Variants in ITFG1 observed in about 807,000 individuals in gnomAD.
ITFG1 encodes T-cell immunomodulatory protein.
A neutral mutation model predicts 81.8 loss-of-function variants in ITFG1; 34 were observed. That is an observed-to-expected ratio of 0.42 (90% CI 0.32 to 0.55). The LOEUF (loss-of-function observed/expected upper bound fraction) is 0.55, where lower values mean the gene tolerates loss of function less well. Ranked by LOEUF, ITFG1 falls within the 20% of genes least tolerant of loss-of-function variation. ITFG1 has a pLI of 0.17. For missense variants in ITFG1, 672 were observed against 755.4 expected (o/e 0.89, Z 1.29); for synonymous variants, 285 against 270.6 (o/e 1.05, Z -0.52).
At chr16:47,364,274 G>T (rs557963307) in intron 8 of ITFG1, among the ~76,000 whole-genome samples, 16 of 152,214 alleles carry the variant, frequency 1.1e-4, no homozygotes, top group African/African-American at 3.6e-4. Context: ...TTCTTAATTT[G>T]ACTGTGTCTT....
chr16:47,310,464 T>C (rs1167089472), intron 10 of ITFG1, among the ~76,000 whole-genome samples: 3 of 152,204 alleles, frequency 2.0e-5, no homozygotes, highest in Admixed American at 6.5e-5. Context: ...CGATAAGGTA[T>C]TAAAATTTAG....
chr16:47,194,703 A>AAT (rs199836512), intron 14 of ITFG1, among the ~76,000 whole-genome samples: 3,075 of 151,310 alleles, frequency 0.02, 104 homozygotes, highest in African/African-American at 0.07. Flanking sequence ...TTTTCTACTT[A>AAT]ATATATATAT....
At chr16:47,407,003 C>A (rs1288667706) in intron 6 of ITFG1, among the ~76,000 whole-genome samples, 1 of 151,966 alleles carries the variant, frequency 6.6e-6, no homozygotes, top group South Asian at 2.1e-4. Flanking sequence ...AGGCATCAAG[C>A]GGGAAAATAG....
chr16:47,424,312 T>C (rs1567495402), intron 6 of ITFG1, among the ~76,000 whole-genome samples: 1 of 152,362 alleles, frequency 6.6e-6, no homozygotes, highest in African/African-American at 2.4e-5. Context: ...ACACTGTTTA[T>C]TCTAGTTAGC....
At chr16:47,187,154 A>G (rs1965230282) in intron 14 of ITFG1, among the ~76,000 whole-genome samples, 1 of 152,222 alleles carries the variant, frequency 6.6e-6, no homozygotes, top group Non-Finnish European at 1.5e-5. Context: ...CATGGGTAGG[A>G]AGAATAAATA....
chr16:47,326,237 A>C (rs927759642), intron 8 of ITFG1, among the ~76,000 whole-genome samples: 3 of 152,242 alleles, frequency 2.0e-5, no homozygotes, highest in African/African-American at 7.2e-5. Context: ...TGATTATCTC[A>C]ATAGATGCAG....
At chr16:47,276,269 T>C (rs1211897378) in intron 10 of ITFG1, among the ~76,000 whole-genome samples, 3 of 151,722 alleles carry the variant, frequency 2.0e-5, no homozygotes, top group East Asian at 3.9e-4. Flanking sequence ...AGAAAAGTAA[T>C]AGGAAAAAAA....
At chr16:47,298,848 T>C (rs1432339522) in intron 10 of ITFG1, among the ~76,000 whole-genome samples, 1 of 152,192 alleles carries the variant, frequency 6.6e-6, no homozygotes, top group Non-Finnish European at 1.5e-5. Context: ...ATGTGATCTT[T>C]GTTAACATCT....
chr16:47,278,221 T>C (rs1259395945), intron 10 of ITFG1, among the ~76,000 whole-genome samples: 2 of 152,200 alleles, frequency 1.3e-5, no homozygotes, highest in African/African-American at 4.8e-5. Flanking sequence ...CATGTTTTCA[T>C]GTAAATAGAA....
chr16:47,154,551 A>G lies in ITFG1; in HGVS notation c.*1168T>C. On this transcript the variant is annotated 3_prime_UTR_variant, in exon 18 of 18. Transcript: ENST00000320640. ...GGCATCACATGTCCATTTGCATACT[A>G]GAAAATTATTAGCATTGATAAACTT... is the stretch of plus-strand genomic sequence containing the variant. The G allele has an allele frequency of 6.6e-6, 1 of 152,232 alleles. No homozygotes were observed. The highest frequency in any genetic ancestry group is 1.9e-4 in the East Asian group (1 of 5,206). The allele number at this position is 152,232 out of a possible 1,614,324, so 9.4% of individuals were successfully genotyped here. A position where few individuals can be genotyped will look rare whatever the true frequency, so the allele number is the denominator to read the frequency against.
At chr16:47,169,525 G>A (rs1964933836) in intron 14 of ITFG1, among the ~76,000 whole-genome samples, 1 of 151,650 alleles carries the variant, frequency 6.6e-6, no homozygotes, top group Non-Finnish European at 1.5e-5. Context: ...TGATTTTTGG[G>A]TGTTGATCTT....
Position 47,375,915 on chromosome 16 carries a change from G to T in ITFG1, c.681C>A (p.Ala227=). ...TTTCAAACTGGAAGGTACTAGTGGT[G>T]GCATTCAATGTCGTCAGGAATAAAT... ...TADLFLTTLN[A]TTSTFQFEIW... is the part of the protein sequence containing the mutation. The change falls in exon 7 of 18, where the codon GCC becomes GCA. Residue 227 remains alanine (A), a synonymous_variant. Transcript: ENST00000320640. 1 of 1,605,276 alleles carries T rather than the reference G, an allele frequency of 6.2e-7. No homozygotes were observed. The highest frequency in any genetic ancestry group is 8.5e-7 in the Non-Finnish European group (1 of 1,173,188).
At chr16:47,233,375 G>T (rs756907783) in intron 13 of ITFG1, among the ~76,000 whole-genome samples, 8 of 152,186 alleles carry the variant, frequency 5.3e-5, no homozygotes, top group Non-Finnish European at 8.8e-5. Flanking sequence ...CTGAAAAACT[G>T]CTGGAGGCTC....
chr16:47,320,568 G>T (rs1257524651), intron 8 of ITFG1, among the ~76,000 whole-genome samples: 3 of 152,144 alleles, frequency 2.0e-5, no homozygotes, highest in East Asian at 1.9e-4. Flanking sequence ...TTTCAGAAAA[G>T]AAACTAAATC....
intron 7 of ITFG1, among the ~76,000 whole-genome samples, chr16:47,374,482 G>A (rs1416338274): frequency 1.3e-5 from 2 of 152,030 alleles, no homozygotes; most frequent in Non-Finnish European, 2.9e-5. Context: ...ATGTTCTATA[G>A]ATATTCTACT....
intron 16 of ITFG1, among the ~76,000 whole-genome samples, chr16:47,160,333 A>G (rs1199424035): frequency 1.3e-5 from 2 of 151,962 alleles, no homozygotes; most frequent in African/African-American, 4.8e-5. Flanking sequence ...TTAAATCACA[A>G]TGGCTGCTTA....
intron 12 of ITFG1, among the ~76,000 whole-genome samples, chr16:47,250,852 C>T (rs1425133209): frequency 6.6e-6 from 1 of 152,204 alleles, no homozygotes; most frequent in Non-Finnish European, 1.5e-5. Flanking sequence ...GGAAACCTTT[C>T]AGCTCAGAGC....
At chr16:47,409,158 G>A (rs1217111115) in intron 6 of ITFG1, among the ~76,000 whole-genome samples, 2 of 151,134 alleles carry the variant, frequency 1.3e-5, no homozygotes, top group Non-Finnish European at 2.9e-5. Context: ...ACTGCAAAAA[G>A]AGCCAAAATT....
At position 47,272,647 on chromosome 16, in the gene ITFG1, C is replaced by T. The variant is rs750513929; in HGVS notation, c.1071-11952G>A. On this transcript the variant is annotated intron_variant, in intron 10 of 17. Coordinates refer to ENST00000320640, the MANE Select transcript of ITFG1 (RefSeq NM_030790.5). ...CTGACTTCAAGTGATCTGCCTGCCT[C>T]GGCCTCCCAAAGTGCTGGGATTACG... is the stretch of plus-strand genomic sequence containing the variant. Among the ~76,000 whole-genome samples the T allele has an allele frequency of 1.6e-4, 25 of 152,028 alleles. 1 individual carries two copies. Among genetic ancestry groups the T allele is most frequent in the Admixed American group, 7.9e-4 (12 of 15,258 alleles).
Sources: allele counts gnomAD v4.1 joint callset (sites outside exome capture counted in the v4.1 genomes callset), GRCh38; gene constraint gnomAD v4.1.1; transcripts MANE v1.5; gene names NCBI Gene and HGNC (gene_info 2026-07-23, HGNC 2026-07-21).